Variants in LRBA observed in about 807,000 individuals in gnomAD.
LRBA encodes LPS responsive beige-like anchor protein.
LRBA carries 176 observed loss-of-function variants against 330.0 expected under a neutral mutation model. The observed-to-expected ratio is 0.53, with a 90% CI of 0.47 to 0.60. The LOEUF (loss-of-function observed/expected upper bound fraction) is 0.60, where lower values mean the gene tolerates loss of function less well. LRBA is among the 20% of genes least tolerant of loss of function. The probability of loss-of-function intolerance (pLI) is 0.00; values close to 1 mark genes in which losing one functional copy is unlikely to be tolerated. For synonymous variants in LRBA, 1,230 were observed against 1,193.0 expected, an observed-to-expected ratio of 1.03 and a Z score of -0.64; for missense variants, 3,259 against 3,444.8, an observed-to-expected ratio of 0.95 and a Z score of 1.35.
chr4:150,841,038 G>A lies in LRBA; in HGVS notation c.4569+3062C>T, dbSNP rs1433310802. The A allele has an allele frequency of 9.1e-6, 11 of 1,204,676 alleles. No homozygotes were observed. The East Asian group carries it at 3.1e-4, about 34-fold the overall frequency. 74.6% of individuals were successfully genotyped at this position (1,204,676 alleles called of 1,614,324 possible). A position where few individuals can be genotyped will look rare whatever the true frequency, so the allele number is the denominator to read the frequency against. On this transcript the variant is annotated intron_variant, in intron 28 of 56. Coordinates refer to ENST00000651943, the MANE Select transcript of LRBA (RefSeq NM_001364905.1). The stretch of plus-strand genomic sequence containing the variant: ...TCTATGATATTTTGCAGGTTCATAT[G>A]TAATGACTTCTTAGTCTGTTGGAAA...
rs1224379695 is a variant in LRBA at position 150,479,672 on chromosome 4, A to G, written c.6552-7933T>C. On this transcript the variant is annotated intron_variant, in intron 42 of 56. Transcript: ENST00000651943. Reference sequence around the variant, plus strand: ...GCTGTATTTAGTGACCCACTTGTAAATGAATACAATGTAGCAGAAATGATG... The same window carrying G: ...GCTGTATTTAGTGACCCACTTGTAAGTGAATACAATGTAGCAGAAATGATG... 2.0e-5 allele frequency among the ~76,000 whole-genome samples: 3 copies of G among 152,190 alleles called. No individual in the cohort carries two copies. In the East Asian group the frequency reaches 5.8e-4, roughly 29 times the overall value.
chr4:150,950,375 C>T (rs1284212891), intron 2 of LRBA, among the ~76,000 whole-genome samples: 1 of 152,046 alleles, frequency 6.6e-6, no homozygotes, highest in African/African-American at 2.4e-5. Flanking sequence ...AAAACTATAG[C>T]ATCACATACA....
chr4:150,836,383 C>T (rs914759526), intron 28 of LRBA, among the ~76,000 whole-genome samples: 1 of 152,204 alleles, frequency 6.6e-6, no homozygotes, highest in African/African-American at 2.4e-5. Flanking sequence ...ATGGTACCAG[C>T]TCCTCCTTGC....
At chr4:150,481,877 C>T (rs1757340738) in intron 42 of LRBA, among the ~76,000 whole-genome samples, 1 of 152,038 alleles carries the variant, frequency 6.6e-6, no homozygotes, top group Admixed American at 6.6e-5. Context: ...TGGAATAAAA[C>T]TGCTATTAAT....
At chr4:150,997,801 T>C (rs1742839468) in intron 2 of LRBA, among the ~76,000 whole-genome samples, 1 of 151,938 alleles carries the variant, frequency 6.6e-6, no homozygotes, top group South Asian at 2.1e-4. Context: ...TCTCCCGGGT[T>C]CAAGCGATTC....
Position 150,780,382 on chromosome 4 carries a change from T to C in LRBA, c.5580+17699A>G, listed in dbSNP as rs536050039. On this transcript the variant is annotated intron_variant, in intron 34 of 56. Coordinates refer to ENST00000651943, the MANE Select transcript of LRBA (RefSeq NM_001364905.1). ...TTCCAAACCTCATAATACATCTACC[T>C]ATAAAGCTTTGGTCTCTGAATTTAA... Among the ~76,000 whole-genome samples the C allele has an allele frequency of 5.3e-5, 8 of 152,214 alleles. No homozygotes were observed. In the South Asian group the frequency reaches 1.7e-3, roughly 32 times the overall value.
rs189031756 is a variant in LRBA, at chr4:150,518,033, T to C, written c.6331-26998A>G. ...TATAGATAAAGATGCATTCTTACTA[T>C]GGATCTTAGCAACCTCAACATACGC... On this transcript the variant is annotated intron_variant, in intron 40 of 56. Coordinates refer to ENST00000651943, the MANE Select transcript of LRBA (RefSeq NM_001364905.1). Among the ~76,000 whole-genome samples the C allele has an allele frequency of 2.0e-5, 3 of 152,374 alleles. No individual in the cohort carries two copies. In the East Asian group the frequency reaches 5.8e-4, roughly 29 times the overall value.
chr4:150,893,266 T>C (rs1579117025), intron 16 of LRBA, 117 bp from the exon 17 acceptor site: 2 of 587,436 alleles, frequency 3.4e-6, no homozygotes, highest in Admixed American at 3.0e-5. Flanking sequence ...ATATGTGTGA[T>C]ATATACTTAT....
In LRBA at chr4:150,401,357, G is replaced by C. The variant is rs552716128; in HGVS notation, c.7194+14081C>G. Among the ~76,000 whole-genome samples the C allele has an allele frequency of 1.2e-4, 18 of 152,284 alleles. No homozygotes were observed. In the South Asian group the frequency reaches 1.2e-3, roughly 11 times the overall value. On this transcript the variant is annotated intron_variant, in intron 47 of 56. Transcript: ENST00000651943. ...AGGTTCTTGGAAACTGTGACTTTAAGTAAAATGACACATAAGGAAAGCAAT... is the reference window on the plus strand; with the variant it reads ...AGGTTCTTGGAAACTGTGACTTTAACTAAAATGACACATAAGGAAAGCAAT...
At chr4:150,832,204 GGAAA>G (rs1304632863) in intron 28 of LRBA, among the ~76,000 whole-genome samples, 2 of 152,066 alleles carry the variant, frequency 1.3e-5, no homozygotes, top group African/African-American at 4.8e-5. Flanking sequence ...TGCAAAACAT[GGAAA>G]GAGAGAAGTT....
At chr4:150,902,830 T>G (rs548362209) in intron 13 of LRBA, among the ~76,000 whole-genome samples, 1 of 152,184 alleles carries the variant, frequency 6.6e-6, no homozygotes, top group Admixed American at 6.5e-5. Context: ...GCAGTGGAAG[T>G]GGTGGGATTC....
rs78211289 is a variant in LRBA at position 150,348,643 on chromosome 4, T to C, written c.7362+1349A>G. 3.3e-3 allele frequency among the ~76,000 whole-genome samples: 506 copies of C among 152,270 alleles called. 1 individual carries two copies. Among genetic ancestry groups the C allele is most frequent in the Middle Eastern group, 0.017 (5 of 294 alleles). ...TGAGAATTCAGTTATATATCAGCTATGTAGAGATATGGATAATTACTACAG... is the reference window on the plus strand; with the variant it reads ...TGAGAATTCAGTTATATATCAGCTACGTAGAGATATGGATAATTACTACAG... On this transcript the variant is annotated intron_variant, in intron 48 of 56. Transcript: ENST00000651943.
chr4:150,436,485 T>C (rs1751126536), intron 45 of LRBA, among the ~76,000 whole-genome samples: 1 of 152,156 alleles, frequency 6.6e-6, no homozygotes, highest in Non-Finnish European at 1.5e-5. Context: ...ATTTGGAATC[T>C]GGTAAGACAG....
chr4:150,286,956 G>A (rs1293340579), intron 53 of LRBA, among the ~76,000 whole-genome samples: 2 of 152,140 alleles, frequency 1.3e-5, no homozygotes, highest in Admixed American at 6.5e-5. Context: ...AAGACTAAAC[G>A]GATCCTTTAC....
intron 2 of LRBA, among the ~76,000 whole-genome samples, chr4:150,946,089 T>C (rs553534112): frequency 6.6e-6 from 1 of 152,326 alleles, no homozygotes; most frequent in Non-Finnish European, 1.5e-5. Context: ...TGAGCCACCA[T>C]GCCCAGCCGG....
At chr4:151,010,026 G>A (rs1336766360) in intron 2 of LRBA, among the ~76,000 whole-genome samples, 2 of 151,596 alleles carry the variant, frequency 1.3e-5, no homozygotes, top group Admixed American at 1.3e-4. Flanking sequence ...ATTTTAAAGA[G>A]ATGATTTAAA....
At chr4:150,784,044 C>G (rs145447759) in intron 34 of LRBA, among the ~76,000 whole-genome samples, 1 of 152,136 alleles carries the variant, frequency 6.6e-6, no homozygotes, top group Non-Finnish European at 1.5e-5. Flanking sequence ...TAAATTGGAC[C>G]AGAATCTAAT....
intron 46 of LRBA, among the ~76,000 whole-genome samples, chr4:150,424,151 G>T (rs550143907): frequency 1.4e-3 from 215 of 152,304 alleles, no homozygotes; most frequent in Non-Finnish European, 2.2e-3. Flanking sequence ...TAATAGTGAG[G>T]AGAGAGATTA....
At chr4:150,407,708 G>A (rs916313373) in intron 47 of LRBA, among the ~76,000 whole-genome samples, 2 of 152,022 alleles carry the variant, frequency 1.3e-5, no homozygotes, top group Non-Finnish European at 2.9e-5. Flanking sequence ...ATTAAAAATA[G>A]AAAATACAGG....
Sources: allele counts gnomAD v4.1 joint callset (sites outside exome capture counted in the v4.1 genomes callset), GRCh38; gene constraint gnomAD v4.1.1; transcripts MANE v1.5; gene names NCBI Gene and HGNC (gene_info 2026-07-23, HGNC 2026-07-21).